RXRA: variants seen among roughly 807,000 people sequenced by gnomAD.
RXRA encodes retinoid X receptor alpha.
RXRA carries 5 observed loss-of-function variants against 44.5 expected under a neutral mutation model. That is an observed-to-expected ratio of 0.11 (90% CI 0.06 to 0.24). The LOEUF (loss-of-function observed/expected upper bound fraction) is 0.24, where lower values mean the gene tolerates loss of function less well. RXRA is among the 10% of genes least tolerant of loss of function. RXRA has a pLI of 1.00. For synonymous variants in RXRA, 291 were observed against 271.4 expected (o/e 1.07, Z -0.71); for missense variants, 412 against 646.5 (o/e 0.64, Z 3.93).
chr9:134,354,587 G>C (rs571837990), intron 1 of RXRA, among the ~76,000 whole-genome samples: 21 of 152,374 alleles, frequency 1.4e-4, no homozygotes, highest in Admixed American at 1.2e-3. Flanking sequence ...TGGGGGTGGT[G>C]CCTGGGCACC....
chr9:134,333,069 A>G (rs1287753889), intron 1 of RXRA, among the ~76,000 whole-genome samples: 1 of 152,038 alleles, frequency 6.6e-6, no homozygotes, highest in African/African-American at 2.4e-5. Context: ...CAGGCCGTCC[A>G]GGGGGAGTAG....
intron 5 of RXRA, among the ~76,000 whole-genome samples, chr9:134,420,966 C>T (rs1456397475): frequency 1.3e-5 from 2 of 152,246 alleles, no homozygotes; most frequent in African/African-American, 2.4e-5. Flanking sequence ...TCCTGAGCTC[C>T]CACATCCATG....
intron 1 of RXRA, among the ~76,000 whole-genome samples, chr9:134,385,409 T>A (rs2119110362): frequency 6.6e-6 from 1 of 152,348 alleles, no homozygotes; most frequent in Non-Finnish European, 1.5e-5. Flanking sequence ...CATCCAGAGC[T>A]GCTCAGGCCC....
chr9:134,327,817 TGTGCTGCCCCGTGACC>T (rs1834941702), intron 1 of RXRA, among the ~76,000 whole-genome samples: 1 of 152,052 alleles, frequency 6.6e-6, no homozygotes, highest in Non-Finnish European at 1.5e-5. Context: ...CACAGGCAGG[TGTGCTGCCCCGTGACC>T]GGGGCAGGCG....
intron 2 of RXRA, among the ~76,000 whole-genome samples, chr9:134,406,973 T>C (rs1831061489): frequency 6.6e-6 from 1 of 152,170 alleles, no homozygotes; most frequent in South Asian, 2.1e-4. Flanking sequence ...CACCCGCTTC[T>C]CCAGTGGGAG....
intron 1 of RXRA, among the ~76,000 whole-genome samples, chr9:134,338,267 C>T (rs538955640): frequency 2.6e-5 from 4 of 152,340 alleles, no homozygotes; most frequent in African/African-American, 7.2e-5. Flanking sequence ...GCCAGGCATT[C>T]GACCCCTGCT....
rs1288766208 is a variant in RXRA, at chr9:134,365,301, C to T, written c.29-36331C>T. Among the ~76,000 whole-genome samples, 2 of 152,248 alleles carry T rather than the reference C, an allele frequency of 1.3e-5. No homozygotes were observed. The highest frequency in any genetic ancestry group is 4.8e-5 in the African/African-American group (2 of 41,458). On this transcript the variant is annotated intron_variant, in intron 1 of 9. Coordinates refer to ENST00000481739, the MANE Select transcript of RXRA (RefSeq NM_002957.6). The surrounding 1 kb of genome is among the most constrained non-coding windows in gnomAD (Gnocchi z 4.0). ...CAGGCGCTCGAGCTGAAAGCCCTCG[C>T]CCCTCGTGGTGGGGCAGCGCGTCCC... is the stretch of plus-strand genomic sequence containing the variant.
At position 134,343,466 on chromosome 9, in the gene RXRA, G is replaced by C. The variant is rs1554748325; in HGVS notation, c.28+16807G>C. Among the ~76,000 whole-genome samples, 1 of 152,174 alleles carries C rather than the reference G, an allele frequency of 6.6e-6. No homozygotes were observed. The highest frequency in any genetic ancestry group is 2.4e-5 in the African/African-American group (1 of 41,432). The stretch of plus-strand genomic sequence containing the variant: ...AGGGGGCGCTCAGTGTAGGGCAAAG[G>C]AACGTGAGGAGGGCATGAGTGTTGT... On this transcript the variant is annotated intron_variant, in intron 1 of 9. Transcript: ENST00000481739. This position sits in a 1 kb window ranked among gnomAD's most constrained non-coding sequence, Gnocchi z 4.1.
intron 1 of RXRA, among the ~76,000 whole-genome samples, chr9:134,345,416 T>A (rs1554748636): frequency 6.6e-6 from 1 of 152,212 alleles, no homozygotes; most frequent in Admixed American, 6.5e-5. Flanking sequence ...CTTCAGGCCC[T>A]ACCCTGGCAC....
chr9:134,436,855 G>A lies in RXRA; in HGVS notation c.*241G>A, dbSNP rs562333992. Reference sequence around the variant, plus strand: ...AGCAGCCTTCGTGGCAAGAACTAGCGTGAGCCCAGCCAGGCGCCTCCCCAC... The same window carrying A: ...AGCAGCCTTCGTGGCAAGAACTAGCATGAGCCCAGCCAGGCGCCTCCCCAC... On this transcript the variant is annotated 3_prime_UTR_variant, in exon 10 of 10. Coordinates refer to ENST00000481739, the MANE Select transcript of RXRA (RefSeq NM_002957.6). 6.3e-5 allele frequency: 33 copies of A among 522,364 alleles called. No individual in the cohort carries two copies. The highest frequency in any genetic ancestry group is 6.1e-4 in the South Asian group (26 of 42,420). 32.4% of individuals were successfully genotyped at this position (522,364 alleles called of 1,614,324 possible).
At chr9:134,362,575 G>A (rs1027268023) in intron 1 of RXRA, among the ~76,000 whole-genome samples, 1 of 152,258 alleles carries the variant, frequency 6.6e-6, no homozygotes, top group Non-Finnish European at 1.5e-5. Flanking sequence ...GGGTTTCATG[G>A]AGTGAATAAA....
Position 134,360,106 on chromosome 9 carries a change from A to T in RXRA, c.28+33447A>T, listed in dbSNP as rs557427618. On this transcript the variant is annotated intron_variant, in intron 1 of 9. Coordinates refer to ENST00000481739, the MANE Select transcript of RXRA (RefSeq NM_002957.6). ...TGCCACCATGCTTTCGAGGCCGCTG[A>T]GGGGCCCCAGGGCTTTACCTAAGGC... Among the ~76,000 whole-genome samples the T allele has an allele frequency of 1.6e-3, 251 of 152,156 alleles. 2 individuals carry two copies. The Middle Eastern group carries it at 0.027, about 16-fold the overall frequency.
In RXRA at chr9:134,353,225, C is replaced by T. The variant is rs1028793929; in HGVS notation, c.28+26566C>T. ...GAGCAAACAGCAAATTGAGCTCTCC[C>T]GGCTGTGGAGGAGGTGGGCTTGTTT... On this transcript the variant is annotated intron_variant, in intron 1 of 9. Transcript: ENST00000481739. Among the ~76,000 whole-genome samples the T allele has an allele frequency of 7.2e-5, 11 of 152,000 alleles. No individual in the cohort carries two copies. In the South Asian group the frequency reaches 1.9e-3, roughly 26 times the overall value.
chr9:134,419,429 G>T (rs1831291386), intron 5 of RXRA, among the ~76,000 whole-genome samples: 1 of 152,176 alleles, frequency 6.6e-6, no homozygotes, highest in Admixed American at 6.5e-5. Flanking sequence ...ACGGGGAGGG[G>T]GTCTCTCTGT....
At chr9:134,333,207 G>A (rs1835032786) in intron 1 of RXRA, among the ~76,000 whole-genome samples, 1 of 152,202 alleles carries the variant, frequency 6.6e-6, no homozygotes, top group South Asian at 2.1e-4. Flanking sequence ...CTCTGTGTGA[G>A]AAGTTGCCAC....
In RXRA at chr9:134,344,699, G is replaced by A. The variant is rs1031894567; in HGVS notation, c.28+18040G>A. On this transcript the variant is annotated intron_variant, in intron 1 of 9. Coordinates refer to ENST00000481739, the MANE Select transcript of RXRA (RefSeq NM_002957.6). ...GGAGTTCTCACTGCTGCCTGGCCAC[G>A]GACGCCCCTTCATCCTCAGGAGCCA... Among the ~76,000 whole-genome samples the A allele has an allele frequency of 4.6e-5, 7 of 152,282 alleles. No individual in the cohort carries two copies. The East Asian group carries it at 9.7e-4, about 21-fold the overall frequency.
chr9:134,389,804 C>G (rs969279217), intron 1 of RXRA, among the ~76,000 whole-genome samples: 8 of 152,166 alleles, frequency 5.3e-5, no homozygotes, highest in African/African-American at 1.9e-4. Flanking sequence ...GCTGGCCTCT[C>G]CATCCCTCCC....
intron 1 of RXRA, among the ~76,000 whole-genome samples, chr9:134,380,669 G>A (rs952267949): frequency 7.2e-5 from 11 of 152,072 alleles, no homozygotes; most frequent in African/African-American, 4.8e-5. Flanking sequence ...GCTGCCCCAC[G>A]ACACCTGGCT....
intron 6 of RXRA, chr9:134,423,824 T>G: frequency 1.0e-6 from 1 of 985,458 alleles, no homozygotes; most frequent in Non-Finnish European, 1.2e-6. Context: ...CTGACCCCAG[T>G]GGTCCTTGGA....
Sources: allele counts gnomAD v4.1 joint callset (sites outside exome capture counted in the v4.1 genomes callset), GRCh38; gene constraint gnomAD v4.1.1; non-coding constraint Gnocchi (gnomAD v3.1); transcripts MANE v1.5; gene names NCBI Gene and HGNC (gene_info 2026-07-23, HGNC 2026-07-21).